Variants in SEMA3D observed in about 807,000 individuals in gnomAD.
SEMA3D encodes semaphorin 3D, also known as semaphorin-3D.
SEMA3D carries 84 observed loss-of-function variants against 100.1 expected under a neutral mutation model. The observed-to-expected ratio is 0.84, with a 90% CI of 0.70 to 1.01. SEMA3D has a LOEUF of 1.01. SEMA3D is among the 50% of genes least tolerant of loss of function. The probability of loss-of-function intolerance (pLI) is 0.00; values close to 1 mark genes in which losing one functional copy is unlikely to be tolerated. For synonymous variants in SEMA3D, 312 were observed against 320.7 expected, an observed-to-expected ratio of 0.97 and a Z score of 0.29; for missense variants, 875 against 934.1, an observed-to-expected ratio of 0.94 and a Z score of 0.82.
At chr7:85,166,618 G>A (rs1366914158) in intron 1 of SEMA3D, among the ~76,000 whole-genome samples, 2 of 151,968 alleles carry the variant, frequency 1.3e-5, no homozygotes, top group African/African-American at 2.4e-5. Context: ...CTAAGGCATA[G>A]AGAGATAAAG....
At chr7:85,135,710 A>G (rs1270278490) in intron 2 of SEMA3D, among the ~76,000 whole-genome samples, 3 of 150,778 alleles carry the variant, frequency 2.0e-5, no homozygotes, top group African/African-American at 7.3e-5. Context: ...ATTAGAAAAA[A>G]TTAATTAGAA....
At chr7:85,091,108 G>C (rs777875102) in intron 4 of SEMA3D, among the ~76,000 whole-genome samples, 2 of 144,958 alleles carry the variant, frequency 1.4e-5, no homozygotes, top group Non-Finnish European at 3.0e-5. Context: ...GAGAGAGGGA[G>C]GGAGGGAAAG....
intron 4 of SEMA3D, among the ~76,000 whole-genome samples, chr7:85,083,991 C>CA (rs1788143624): frequency 6.9e-6 from 1 of 145,540 alleles, no homozygotes; most frequent in Admixed American, 6.9e-5. Context: ...ATTAAAAATA[C>CA]AAAAAATTAG....
At chr7:85,081,365 AT>A (rs1788059272) in intron 5 of SEMA3D, 151 bp downstream of exon 5, 1 of 518,194 alleles carries the variant, frequency 1.9e-6, no homozygotes, top group Admixed American at 3.2e-5. Flanking sequence ...AGATAGAGAT[AT>A]TTTATTCCAC....
At chr7:85,143,510 A>C (rs1248452958) in intron 2 of SEMA3D, among the ~76,000 whole-genome samples, 6 of 152,204 alleles carry the variant, frequency 3.9e-5, no homozygotes, top group Non-Finnish European at 8.8e-5. Context: ...CAATTGTTAC[A>C]CAATGGGAAG....
intron 2 of SEMA3D, among the ~76,000 whole-genome samples, chr7:85,126,220 G>A (rs1218153200): frequency 1.3e-5 from 2 of 152,044 alleles, no homozygotes; most frequent in African/African-American, 4.8e-5. Context: ...TCATTGATTT[G>A]CTTTATTTAT....
intron 15 of SEMA3D, among the ~76,000 whole-genome samples, chr7:85,017,891 G>A (rs944407669): frequency 4.0e-5 from 6 of 151,674 alleles, no homozygotes; most frequent in African/African-American, 1.5e-4. Context: ...TGCCACCACA[G>A]TTCATATTCT....
chr7:85,003,316 C>T (rs970989695), intron 18 of SEMA3D, among the ~76,000 whole-genome samples: 1 of 151,908 alleles, frequency 6.6e-6, no homozygotes, highest in African/African-American at 2.4e-5. Context: ...AAAGGGGATG[C>T]TGGAGCAATG....
chr7:85,007,455 G>C (rs1789832067), intron 17 of SEMA3D, among the ~76,000 whole-genome samples: 1 of 151,746 alleles, frequency 6.6e-6, no homozygotes, highest in Non-Finnish European at 1.5e-5. Context: ...CTATGATGAT[G>C]ATGATGAGCC....
intron 1 of SEMA3D, among the ~76,000 whole-genome samples, chr7:85,159,709 T>A (rs1349757396): frequency 1.3e-5 from 2 of 152,200 alleles, no homozygotes; most frequent in African/African-American, 4.8e-5. Context: ...ATCGTAGTGC[T>A]GAACTCCACT....
intron 8 of SEMA3D, among the ~76,000 whole-genome samples, chr7:85,064,819 A>T (rs1029420642): frequency 7.2e-5 from 11 of 152,148 alleles, no homozygotes; most frequent in South Asian, 2.1e-4. Context: ...TATGTTTTTT[A>T]AAAAATTTGA....
At chr7:85,200,647 A>G in the SEMA3D span, among the ~76,000 whole-genome samples, 101,986 of 152,178 alleles carry the variant, frequency 0.67, 35,013 homozygotes, top group East Asian at 0.92. Flanking sequence ...AATTTTCTGA[A>G]GAGAAATTGA....
At chr7:85,154,476 G>A (rs903610847) in intron 1 of SEMA3D, among the ~76,000 whole-genome samples, 6 of 152,056 alleles carry the variant, frequency 3.9e-5, no homozygotes, top group African/African-American at 7.2e-5. Context: ...GTTGTGGGGC[G>A]GGGGTTGGGG....
At chr7:85,089,488 T>C (rs946298607) in intron 4 of SEMA3D, among the ~76,000 whole-genome samples, 40 of 152,156 alleles carry the variant, frequency 2.6e-4, no homozygotes, top group African/African-American at 8.7e-4. Context: ...TATTCCCAAA[T>C]TGAAGACACT....
intron 5 of SEMA3D, among the ~76,000 whole-genome samples, chr7:85,079,008 T>C (rs771674938): frequency 3.3e-5 from 5 of 152,170 alleles, no homozygotes; most frequent in African/African-American, 9.7e-5. Context: ...TTGAAGGATA[T>C]AGTTTTTGGA....
At chr7:85,100,751 C>T (rs181054165) in intron 3 of SEMA3D, among the ~76,000 whole-genome samples, 87 of 151,902 alleles carry the variant, frequency 5.7e-4, no homozygotes, top group African/African-American at 2.0e-3. Context: ...TTCCTTCCTT[C>T]TTTTTTTCTA....
At chr7:85,012,396 A>C (rs1198494752) in intron 17 of SEMA3D, among the ~76,000 whole-genome samples, 2 of 151,824 alleles carry the variant, frequency 1.3e-5, no homozygotes, top group Non-Finnish European at 2.9e-5. Context: ...TTTTCTAATA[A>C]GACCTACACT....
chr7:85,089,370 G>A (rs965583365), intron 4 of SEMA3D, among the ~76,000 whole-genome samples: 3 of 151,996 alleles, frequency 2.0e-5, no homozygotes, highest in African/African-American at 4.8e-5. Context: ...CCCCAGAAAG[G>A]TCTTTTCTAA....
intron 4 of SEMA3D, among the ~76,000 whole-genome samples, chr7:85,082,481 A>G (rs564827001): frequency 6.6e-6 from 1 of 152,368 alleles, no homozygotes; most frequent in East Asian, 1.9e-4. Context: ...CTGTTAAGCT[A>G]TAAGCAAGAA....
Sources: gnomAD v4.1 joint callset for allele counts (sites outside exome capture counted in the v4.1 genomes callset) on GRCh38, gnomAD v4.1.1 for gene constraint, MANE v1.5 for transcripts, NCBI Gene and HGNC (gene_info 2026-07-23, HGNC 2026-07-21) for gene names.